Variants in CAPN1 observed in about 807,000 individuals in gnomAD.
The protein encoded by CAPN1 is calpain 1.
A neutral mutation model predicts 105.2 loss-of-function variants in CAPN1; 77 were observed. The ratio of observed to expected loss-of-function variants is 0.73; its 90% CI spans 0.61 to 0.88. CAPN1 has a LOEUF of 0.88. CAPN1 is among the 40% of genes least tolerant of loss of function. The pLI is 0.00. For synonymous variants in CAPN1, 355 were observed against 388.8 expected, an observed-to-expected ratio of 0.91 and a Z score of 1.02; for missense variants, 833 against 976.6, an observed-to-expected ratio of 0.85 and a Z score of 1.96.
At position 65,210,112 on chromosome 11, in the gene CAPN1, T is replaced by TG. The variant is rs1325624229; in HGVS notation, c.1942+17dup. 1 of 1,605,800 alleles carries TG rather than the reference T, an allele frequency of 6.2e-7. No individual in the cohort carries two copies. The highest frequency in any genetic ancestry group is 1.3e-5 in the African/African-American group (1 of 74,730). On this transcript the variant is annotated intron_variant, in intron 19 of 21. Coordinates refer to ENST00000279247, the MANE Select transcript of CAPN1 (RefSeq NM_005186.4). The surrounding 1 kb of genome is among the most constrained non-coding windows in gnomAD (Gnocchi z 4.3). ...GAGTCGGCAGGTGAGACTCCAAGGC[T>TG]GACGGCACCTGTGGGGCCCAGGACA...
At position 65,186,424 on chromosome 11, in the gene CAPN1, C is replaced by T. The variant is rs1590849779; in HGVS notation, c.759+86C>T. ...ATTTTCTAAAATCCCCACCCAGGCT[C>T]CGCTCCAGACCCTGTCCTGCACTTA... is the stretch of plus-strand genomic sequence containing the variant. On this transcript the variant is annotated intron_variant, in intron 6 of 21. Transcript: ENST00000279247. 2.5e-6 allele frequency: 3 copies of T among 1,196,436 alleles called. No homozygotes were observed. In the African/African-American group the frequency reaches 4.6e-5, roughly 18 times the overall value. 74.1% of individuals were successfully genotyped at this position (1,196,436 alleles called of 1,614,324 possible). A position where few individuals can be genotyped will look rare whatever the true frequency, so the allele number is the denominator to read the frequency against.
chr11:65,207,389 G>A (rs1193695316), intron 14 of CAPN1, among the ~76,000 whole-genome samples: 2 of 151,022 alleles, frequency 1.3e-5, no homozygotes, highest in African/African-American at 2.4e-5. Flanking sequence ...TAGTAGAGAC[G>A]GGGTTTTGCC....
At chr11:65,198,693 G>A (rs1037675810) in intron 10 of CAPN1, among the ~76,000 whole-genome samples, 7 of 152,010 alleles carry the variant, frequency 4.6e-5, no homozygotes, top group African/African-American at 1.4e-4. Flanking sequence ...CCATCCACCC[G>A]AAACATATCC....
chr11:65,192,555 G>T (rs186981098), intron 10 of CAPN1, among the ~76,000 whole-genome samples: 2 of 152,070 alleles, frequency 1.3e-5, no homozygotes, highest in African/African-American at 2.4e-5. Flanking sequence ...AAAGTTAAAG[G>T]TTATAGAATT....
intron 10 of CAPN1, among the ~76,000 whole-genome samples, chr11:65,201,827 GTT>G (rs1198171280): frequency 9.7e-6 from 1 of 103,238 alleles, no homozygotes; most frequent in Non-Finnish European, 2.2e-5. Context: ...TTTTGTTTTT[GTT>G]TTTTTTTTTT....
intron 10 of CAPN1, among the ~76,000 whole-genome samples, chr11:65,201,479 A>AT (rs1440853288): frequency 4.6e-5 from 7 of 151,872 alleles, no homozygotes; most frequent in Non-Finnish European, 1.0e-4. Flanking sequence ...GCTTGAGGTT[A>AT]TTTTTTCCTT....
chr11:65,188,568 G>C lies in CAPN1; in HGVS notation c.1005-18G>C. ...TGCCCTGACGGGCTGTGCCTCACCT[G>C]TGTACCTCCCACCTCAGGATGTCAT... is the stretch of plus-strand genomic sequence containing the variant. On this transcript the variant is annotated intron_variant, in intron 9 of 21. Coordinates refer to ENST00000279247, the MANE Select transcript of CAPN1 (RefSeq NM_005186.4). This position sits in a 1 kb window ranked among gnomAD's most constrained non-coding sequence, Gnocchi z 5.5. 1 of 1,613,384 alleles carries C rather than the reference G, an allele frequency of 6.2e-7. No homozygotes were observed. The highest frequency in any genetic ancestry group is 8.5e-7 in the Non-Finnish European group (1 of 1,179,840).
Position 65,208,217 on chromosome 11 carries a change from AG to A in CAPN1, c.1685del (p.Ser562ThrfsTer2). ...TCTCTCTCCCCAGGACATGGAGATC[AG>A]CGTGAAGGAGTTGCGGACAATCCTC... The part of the protein sequence containing the change: ...RQLAGEDMEI[S>X]VKELRTILNR... On this transcript the variant is annotated frameshift_variant, in exon 16 of 22. Coordinates refer to ENST00000279247, the MANE Select transcript of CAPN1 (RefSeq NM_005186.4). LOFTEE classifies it high-confidence loss of function. The surrounding 1 kb of genome is among the most constrained non-coding windows in gnomAD (Gnocchi z 4.1). 6.3e-7 allele frequency: 1 copy of A among 1,579,466 alleles called. No individual in the cohort carries two copies. The highest frequency in any genetic ancestry group is 1.2e-5 in the South Asian group (1 of 86,292).
chr11:65,194,764 TC>T (rs1224848077), intron 10 of CAPN1, among the ~76,000 whole-genome samples: 1 of 150,922 alleles, frequency 6.6e-6, no homozygotes, highest in Non-Finnish European at 1.5e-5. Context: ...TTTTGCTGAT[TC>T]ATTCATCAGT....
chr11:65,210,140 T>A lies in CAPN1; in HGVS notation c.1942+44T>A. Reference sequence around the variant, plus strand: ...CGGCACCTGTGGGGCCCAGGACAGGTAGCCCCACTGCTCCTATGCCCCAGG... The same window carrying A: ...CGGCACCTGTGGGGCCCAGGACAGGAAGCCCCACTGCTCCTATGCCCCAGG... On this transcript the variant is annotated intron_variant, in intron 19 of 21. Transcript: ENST00000279247. This position sits in a 1 kb window ranked among gnomAD's most constrained non-coding sequence, Gnocchi z 4.3. 6.7e-7 allele frequency: 1 copy of A among 1,488,524 alleles called. No homozygotes were observed. Among genetic ancestry groups the A allele is most frequent in the Non-Finnish European group, 9.4e-7 (1 of 1,067,498 alleles). The allele number at this position is 1,488,524 out of a possible 1,614,324, so 92.2% of individuals were successfully genotyped here.
At chr11:65,195,018 C>G (rs1317071989) in intron 10 of CAPN1, among the ~76,000 whole-genome samples, 1 of 151,994 alleles carries the variant, frequency 6.6e-6, no homozygotes, top group Non-Finnish European at 1.5e-5. Context: ...TCTCCACATC[C>G]TCTTCAACAC....
At chr11:65,183,225 G>T (rs761505981) in intron 3 of CAPN1, 28 bp downstream of exon 3, 2 of 1,607,822 alleles carry the variant, frequency 1.2e-6, no homozygotes, top group South Asian at 1.1e-5. Flanking sequence ...CGGGTCCCGG[G>T]TATTTTTTCC....
At position 65,209,988 on chromosome 11, in the gene CAPN1, C is replaced by A; in HGVS notation, c.1864-30C>A. The A allele has an allele frequency of 1.2e-6, 2 of 1,612,304 alleles. No homozygotes were observed. Among genetic ancestry groups the A allele is most frequent in the Non-Finnish European group, 1.7e-6 (2 of 1,178,948 alleles). ...AGGTGGGAAGGGCCGGGTGACTCAG[C>A]CTGGCCCTCACCCTCTGCCGCCACC... is the stretch of plus-strand genomic sequence containing the variant. On this transcript the variant is annotated intron_variant, in intron 18 of 21. Coordinates refer to ENST00000279247, the MANE Select transcript of CAPN1 (RefSeq NM_005186.4). This position sits in a 1 kb window ranked among gnomAD's most constrained non-coding sequence, Gnocchi z 4.1.
intron 13 of CAPN1, 31 bp downstream of exon 13, chr11:65,206,705 C>T (rs896319838): frequency 1.2e-6 from 2 of 1,610,692 alleles, no homozygotes; most frequent in African/African-American, 2.7e-5. Flanking sequence ...TGCCACTCTC[C>T]CCTCTCCCAG....
chr11:65,198,167 G>T (rs1335889899), intron 10 of CAPN1, among the ~76,000 whole-genome samples: 1 of 150,748 alleles, frequency 6.6e-6, no homozygotes, highest in East Asian at 1.9e-4. Context: ...CTGAGACAGG[G>T]TCTGGCTCTG....
In CAPN1 at chr11:65,209,626, G is replaced by A. The variant is rs1949013938; in HGVS notation, c.1795-223G>A. On this transcript the variant is annotated intron_variant, in intron 17 of 21. Coordinates refer to ENST00000279247, the MANE Select transcript of CAPN1 (RefSeq NM_005186.4). This position sits in a 1 kb window ranked among gnomAD's most constrained non-coding sequence, Gnocchi z 4.1. ...AGACCTGGGTCCCCATTGACCCTGA[G>A]GCTGGTGCTATTTCTGACCCCTCCC... 1 of 635,978 alleles carries A rather than the reference G, an allele frequency of 1.6e-6. No individual in the cohort carries two copies. Among genetic ancestry groups the A allele is most frequent in the Admixed American group, 2.7e-5 (1 of 37,278 alleles). The allele number at this position is 635,978 out of a possible 1,614,324, so 39.4% of individuals were successfully genotyped here.
intron 10 of CAPN1, among the ~76,000 whole-genome samples, chr11:65,193,962 ATTTTT>A (rs60784154): frequency 5.2e-5 from 4 of 76,226 alleles, no homozygotes; most frequent in Non-Finnish European, 9.9e-5. Context: ...CTTTGGATTG[ATTTTT>A]TTTTTTTTTT....
chr11:65,192,256 G>A (rs1215465031), intron 10 of CAPN1, among the ~76,000 whole-genome samples: 1 of 152,112 alleles, frequency 6.6e-6, no homozygotes, highest in Non-Finnish European at 1.5e-5. Flanking sequence ...ATGGTAAATT[G>A]CATTTGTTGC....
chr11:65,209,586 G>A lies in CAPN1; in HGVS notation c.1794+199G>A. The A allele has an allele frequency of 4.6e-6, 3 of 646,948 alleles. No homozygotes were observed. Among genetic ancestry groups the A allele is most frequent in the South Asian group, 3.7e-5 (2 of 53,344 alleles). 40.1% of individuals were successfully genotyped at this position (646,948 alleles called of 1,614,324 possible). A position where few individuals can be genotyped will look rare whatever the true frequency, so the allele number is the denominator to read the frequency against. Reference sequence around the variant, plus strand: ...AAACTGAGGCACAGACCTGTGTCAAGTGAAAGGTGGAGCAAGACCTGGGTC... The same window carrying A: ...AAACTGAGGCACAGACCTGTGTCAAATGAAAGGTGGAGCAAGACCTGGGTC... On this transcript the variant is annotated intron_variant, in intron 17 of 21. Transcript: ENST00000279247. This position sits in a 1 kb window ranked among gnomAD's most constrained non-coding sequence, Gnocchi z 4.1.
Sources: allele counts gnomAD v4.1 joint callset (sites outside exome capture counted in the v4.1 genomes callset), GRCh38; gene constraint gnomAD v4.1.1; non-coding constraint Gnocchi (gnomAD v3.1); transcripts MANE v1.5; gene names NCBI Gene and HGNC (gene_info 2026-07-23, HGNC 2026-07-21).